STX8: variants seen among roughly 807,000 people sequenced by gnomAD.
STX8 encodes the protein syntaxin 8, also known as syntaxin-8.
In STX8, 23 loss-of-function variants were observed where a neutral mutation model predicts 37.5. The observed-to-expected ratio is 0.61, with a 90% CI of 0.44 to 0.87. The LOEUF (loss-of-function observed/expected upper bound fraction) is 0.87, where lower values mean the gene tolerates loss of function less well. Among genes scored for constraint, STX8 ranks in the 40% least tolerant of loss-of-function variants. The probability of loss-of-function intolerance (pLI) is 0.00; values close to 1 mark genes in which losing one functional copy is unlikely to be tolerated. For missense variants in STX8, 313 were observed against 284.7 expected (o/e 1.10, Z -0.71); for synonymous variants, 115 against 99.1 (o/e 1.16, Z -0.95).
rs543198873 is a variant in STX8, at chr17:9,379,767, G to A, written c.542-1114C>T. On this transcript the variant is annotated intron_variant, in intron 6 of 7. Coordinates refer to ENST00000306357, the MANE Select transcript of STX8 (RefSeq NM_004853.3). ...GAGGATCACCTGAGGTTGGGAGTTCGAGACCAGCCTGACCAACATGGTGAA... is the reference window on the plus strand; with the variant it reads ...GAGGATCACCTGAGGTTGGGAGTTCAAGACCAGCCTGACCAACATGGTGAA... Among the ~76,000 whole-genome samples, 459 of 152,168 alleles carry A rather than the reference G, an allele frequency of 3.0e-3. 2 individuals are homozygous for A. The highest frequency in any genetic ancestry group is 0.014 in the Middle Eastern group (4 of 294).
intron 6 of STX8, among the ~76,000 whole-genome samples, chr17:9,381,194 T>C (rs1911803975): frequency 6.6e-6 from 1 of 152,116 alleles, no homozygotes; most frequent in African/African-American, 2.4e-5. Context: ...ACAACACATT[T>C]CTCAGAACAT....
intron 6 of STX8, among the ~76,000 whole-genome samples, chr17:9,489,691 C>CTTTTTTT (rs4063411): frequency 0.084 from 10,645 of 127,218 alleles, 1,003 homozygotes; most frequent in Non-Finnish European, 0.12. Context: ...GCTTACTTTC[C>CTTTTTTT]TTTTTTTTTT....
chr17:9,365,558 T>G (rs935290733), intron 7 of STX8, among the ~76,000 whole-genome samples: 45 of 152,224 alleles, frequency 3.0e-4, no homozygotes, highest in Admixed American at 5.9e-4. Flanking sequence ...AAGTGAGGTT[T>G]GGGTCTGAGA....
Position 9,505,133 on chromosome 17 carries a change from C to T in STX8, c.353G>A (p.Arg118Gln), listed in dbSNP as rs151090282. 708 of 1,613,988 alleles carry T rather than the reference C, an allele frequency of 4.4e-4. 2 individuals are homozygous for T. In the African/African-American group the frequency reaches 8.4e-3, roughly 19 times the overall value. ...RSSLMSEEAK[R>Q]GAPNPWLFEE... ...AAAGAGCCAAGGGTTGGGTGCTCCTCGCTTAGCCTCTTCACTCATCAGGCT... is the reference window on the plus strand; with the variant it reads ...AAAGAGCCAAGGGTTGGGTGCTCCTTGCTTAGCCTCTTCACTCATCAGGCT... Residue 118 changes from arginine to glutamine, a missense_variant, in exon 5 of 8, where the codon CGA (arginine) becomes CAA (glutamine). By Grantham distance (43) the Arg-to-Gln change is conservative. Coordinates refer to ENST00000306357, the MANE Select transcript of STX8 (RefSeq NM_004853.3).
intron 4 of STX8, among the ~76,000 whole-genome samples, chr17:9,544,282 A>G (rs1011035895): frequency 2.0e-5 from 3 of 152,144 alleles, no homozygotes; most frequent in Non-Finnish European, 2.9e-5. Flanking sequence ...AAACAGGGGG[A>G]GGCCAATTCT....
At chr17:9,420,466 C>T (rs9910804) in intron 6 of STX8, among the ~76,000 whole-genome samples, 14,220 of 152,110 alleles carry the variant, frequency 0.093, 2,061 homozygotes, top group African/African-American at 0.31. Flanking sequence ...CAGGGAGGAC[C>T]CTCGCCTATC....
At chr17:9,432,006 T>A (rs1914002883) in intron 6 of STX8, among the ~76,000 whole-genome samples, 1 of 152,230 alleles carries the variant, frequency 6.6e-6, no homozygotes, top group South Asian at 2.1e-4. Context: ...AAAAATGGCA[T>A]TAATGTAATG....
intron 4 of STX8, among the ~76,000 whole-genome samples, chr17:9,531,304 G>A (rs979406672): frequency 6.6e-6 from 1 of 152,132 alleles, no homozygotes; most frequent in East Asian, 1.9e-4. Context: ...TTCTCAAGTG[G>A]CAAAACGGAA....
At chr17:9,311,742 C>A (rs893535203) in intron 7 of STX8, among the ~76,000 whole-genome samples, 3 of 152,338 alleles carry the variant, frequency 2.0e-5, no homozygotes, top group African/African-American at 7.2e-5. Flanking sequence ...ATGTCCCTAT[C>A]TCATTGGATG....
At position 9,302,827 on chromosome 17, in the gene STX8, C is replaced by T. The variant is rs577150126; in HGVS notation, c.644-52182G>A. On this transcript the variant is annotated intron_variant, in intron 7 of 7. Coordinates refer to ENST00000306357, the MANE Select transcript of STX8 (RefSeq NM_004853.3). ...GGGTTCAGGGGATGAGGAGAAGGCACTGGCCACAAAGGAGCACAAGGGAAC... is the reference window on the plus strand; with the variant it reads ...GGGTTCAGGGGATGAGGAGAAGGCATTGGCCACAAAGGAGCACAAGGGAAC... Among the ~76,000 whole-genome samples the T allele has an allele frequency of 3.9e-5, 6 of 152,120 alleles. No homozygotes were observed. The East Asian group carries it at 1.2e-3, about 29-fold the overall frequency.
chr17:9,507,342 CT>C lies in STX8; in HGVS notation c.324-2181del, dbSNP rs1328868438. On this transcript the variant is annotated intron_variant, in intron 4 of 7. Coordinates refer to ENST00000306357, the MANE Select transcript of STX8 (RefSeq NM_004853.3). This position sits in a 1 kb window ranked among gnomAD's most constrained non-coding sequence, Gnocchi z 4.0. ...CTGAAAAACAGCCCATGGGTCACCCCTAGCGGCAACTCCCCTAGGCCAGCCG... is the reference window on the plus strand; with the variant it reads ...CTGAAAAACAGCCCATGGGTCACCCCAGCGGCAACTCCCCTAGGCCAGCCG... Among the ~76,000 whole-genome samples the C allele has an allele frequency of 1.3e-5, 2 of 152,068 alleles. No individual in the cohort carries two copies. The highest frequency in any genetic ancestry group is 4.8e-5 in the African/African-American group (2 of 41,410).
rs1042141480 is a variant in STX8 at position 9,358,216 on chromosome 17, G to A, written c.643+20336C>T. Among the ~76,000 whole-genome samples the A allele has an allele frequency of 4.6e-5, 7 of 152,246 alleles. No individual in the cohort carries two copies. The South Asian group carries it at 1.5e-3, about 32-fold the overall frequency. On this transcript the variant is annotated intron_variant, in intron 7 of 7. Coordinates refer to ENST00000306357, the MANE Select transcript of STX8 (RefSeq NM_004853.3). ...AAAAAAACAAACAAAAAAATTAGCT[G>A]GGCATGGTGGTGCACACCTGTAGTT...
chr17:9,562,140 AC>A (rs1907259500), intron 2 of STX8, among the ~76,000 whole-genome samples: 1 of 151,486 alleles, frequency 6.6e-6, no homozygotes, highest in South Asian at 2.1e-4. Context: ...GCAGTGGCTC[AC>A]GCCTGTAATC....
intron 6 of STX8, among the ~76,000 whole-genome samples, chr17:9,390,586 G>A (rs1597642244): frequency 1.3e-5 from 2 of 151,618 alleles, no homozygotes; most frequent in Middle Eastern, 6.8e-3. Context: ...CCAGCACTTT[G>A]GGAGGCTGTG....
chr17:9,255,223 TTATC>T (rs1906743137), intron 7 of STX8, among the ~76,000 whole-genome samples: 2 of 152,134 alleles, frequency 1.3e-5, no homozygotes, highest in Non-Finnish European at 2.9e-5. Flanking sequence ...AGGGCACACA[TTATC>T]TATAAAAAAT....
intron 3 of STX8, 101 bp downstream of exon 3, chr17:9,557,333 A>C (rs1436022435): frequency 1.1e-6 from 1 of 917,248 alleles, no homozygotes; most frequent in Non-Finnish European, 1.7e-6. Context: ...GTCTTCCTCA[A>C]GCTGTGGGAA....
intron 1 of STX8, among the ~76,000 whole-genome samples, chr17:9,571,787 T>C (rs899712328): frequency 6.7e-6 from 1 of 149,180 alleles, no homozygotes; most frequent in Non-Finnish European, 1.5e-5. Flanking sequence ...TGGTGGCGGG[T>C]GCTTGTAATC....
chr17:9,456,852 G>A (rs897217557), intron 6 of STX8, among the ~76,000 whole-genome samples: 17 of 151,908 alleles, frequency 1.1e-4, no homozygotes, highest in South Asian at 2.1e-4. Context: ...ACTATGAATC[G>A]GAAAACAGCC....
chr17:9,570,079 T>A (rs538741988), intron 1 of STX8: 12 of 152,298 alleles, frequency 7.9e-5, no homozygotes, highest in African/African-American at 2.9e-4. Context: ...CCAGGACCAG[T>A]CCATCACAAA....
Sources: allele counts gnomAD v4.1 joint callset (sites outside exome capture counted in the v4.1 genomes callset), GRCh38; gene constraint gnomAD v4.1.1; non-coding constraint Gnocchi (gnomAD v3.1); transcripts MANE v1.5; gene names NCBI Gene and HGNC (gene_info 2026-07-23, HGNC 2026-07-21).